Variants in ADAMTS3 observed in about 807,000 individuals in gnomAD.
The protein encoded by ADAMTS3 is A disintegrin and metalloproteinase with thrombospondin motifs 3.
Under a neutral mutation model 129.0 loss-of-function variants are expected in ADAMTS3, and 73 were observed. That is an observed-to-expected ratio of 0.57 (90% CI 0.47 to 0.69). The LOEUF is 0.69. ADAMTS3 is among the 30% of genes least tolerant of loss of function. The pLI is 0.00. For missense variants in ADAMTS3, 1,457 were observed against 1,514.5 expected, an observed-to-expected ratio of 0.96 and a Z score of 0.63; for synonymous variants, 477 against 510.8, an observed-to-expected ratio of 0.93 and a Z score of 0.89.
At chr4:72,484,981 CT>C (rs1719541035) in intron 3 of ADAMTS3, among the ~76,000 whole-genome samples, 1 of 152,086 alleles carries the variant, frequency 6.6e-6, no homozygotes, top group Non-Finnish European at 1.5e-5. Context: ...GTGCTCAAAA[CT>C]TCTTGAAAAT....
intron 4 of ADAMTS3, among the ~76,000 whole-genome samples, chr4:72,405,556 A>C (rs1722030139): frequency 6.6e-6 from 1 of 152,166 alleles, no homozygotes; most frequent in African/African-American, 2.4e-5. Context: ...ACTATATCAC[A>C]AACTTTTTAA....
At chr4:72,463,308 T>C (rs1028264115) in intron 3 of ADAMTS3, among the ~76,000 whole-genome samples, 2 of 152,022 alleles carry the variant, frequency 1.3e-5, no homozygotes, top group Non-Finnish European at 2.9e-5. Context: ...TCTCAGAATA[T>C]ATCCTCCACA....
intron 3 of ADAMTS3, among the ~76,000 whole-genome samples, chr4:72,515,112 T>G (rs578253191): frequency 6.6e-6 from 1 of 152,294 alleles, no homozygotes; most frequent in Admixed American, 6.5e-5. Context: ...TGCGATAGTT[T>G]GCTGAGAATG....
intron 3 of ADAMTS3, among the ~76,000 whole-genome samples, chr4:72,443,522 C>G (rs1718172949): frequency 6.6e-6 from 1 of 151,734 alleles, no homozygotes; most frequent in East Asian, 2.0e-4. Context: ...TGGCTAGATT[C>G]TCAAAAATGT....
chr4:72,528,651 G>C (rs756999503), intron 3 of ADAMTS3, among the ~76,000 whole-genome samples: 13 of 151,898 alleles, frequency 8.6e-5, no homozygotes, highest in African/African-American at 1.5e-4. Flanking sequence ...CAGGAGGATG[G>C]AATTTATTTA....
intron 4 of ADAMTS3, 152 bp downstream of exon 4, chr4:72,414,663 C>T: frequency 1.9e-6 from 1 of 536,754 alleles, no homozygotes; most frequent in Non-Finnish European, 2.9e-6. Context: ...AAAAAGCAAG[C>T]CACATTTCAT....
At chr4:72,297,117 G>T (rs1254370122) in intron 18 of ADAMTS3, among the ~76,000 whole-genome samples, 1 of 152,008 alleles carries the variant, frequency 6.6e-6, no homozygotes, top group African/African-American at 2.4e-5. Context: ...ATTCATTCAT[G>T]CATGCATTCA....
At chr4:72,332,703 CT>C (rs140658234) in intron 5 of ADAMTS3, among the ~76,000 whole-genome samples, 4,008 of 152,178 alleles carry the variant, frequency 0.026, 185 homozygotes, top group African/African-American at 0.092. Flanking sequence ...CAGAGTGTTG[CT>C]GATGGAAAAT....
At chr4:72,434,012 T>A (rs1722760761) in intron 3 of ADAMTS3, among the ~76,000 whole-genome samples, 1 of 151,838 alleles carries the variant, frequency 6.6e-6, no homozygotes, top group African/African-American at 2.4e-5. Context: ...AGCTGACCAA[T>A]AGCTGGTCAG....
intron 3 of ADAMTS3, among the ~76,000 whole-genome samples, chr4:72,425,290 CA>C (rs1381910764): frequency 2.0e-5 from 3 of 151,982 alleles, no homozygotes; most frequent in African/African-American, 7.2e-5. Context: ...CCAATGGTCA[CA>C]AAAATATAAA....
intron 21 of ADAMTS3, 44 bp downstream of exon 21, chr4:72,288,707 T>G (rs1352833829): frequency 7.8e-7 from 1 of 1,278,886 alleles, no homozygotes; most frequent in Non-Finnish European, 1.1e-6. Flanking sequence ...CTTTTTGAGG[T>G]TTAAAAACAT....
At chr4:72,519,094 T>C (rs1019748838) in intron 3 of ADAMTS3, among the ~76,000 whole-genome samples, 3 of 151,484 alleles carry the variant, frequency 2.0e-5, no homozygotes, top group African/African-American at 7.3e-5. Flanking sequence ...CCTTCACTTA[T>C]GAAGCTTAGT....
At chr4:72,550,033 A>G (rs551403743) in intron 2 of ADAMTS3, among the ~76,000 whole-genome samples, 2 of 15,634 alleles carry the variant, frequency 1.3e-4, no homozygotes, top group East Asian at 4.7e-3. Flanking sequence ...AAGAAGAAGA[A>G]GAAGAAGAAG....
intron 3 of ADAMTS3, among the ~76,000 whole-genome samples, chr4:72,531,190 A>C (rs1318370219): frequency 6.6e-6 from 1 of 152,122 alleles, no homozygotes; most frequent in Non-Finnish European, 1.5e-5. Context: ...TTTCATAGAA[A>C]AACCTAAAAA....
chr4:72,394,810 T>C (rs1721684750), intron 4 of ADAMTS3, among the ~76,000 whole-genome samples: 1 of 152,214 alleles, frequency 6.6e-6, no homozygotes, highest in Non-Finnish European at 1.5e-5. Context: ...AAATTAGATA[T>C]ATTATTCAAT....
Position 72,548,813 on chromosome 4 carries a change from G to A in ADAMTS3, c.169C>T (p.Leu57Phe). The A allele has an allele frequency of 6.2e-7, 1 of 1,613,932 alleles. No individual in the cohort carries two copies. Among genetic ancestry groups the A allele is most frequent in the Non-Finnish European group, 8.5e-7 (1 of 1,179,870 alleles). ...TGACTCGCAGAAAGAGTATGGGAGA[G>A]ATAGCGTCCTTCTAGATTTGTGCTG... ...PVSTNLEGRY[L>F]SHTLSASHKK... The change falls in exon 3 of 22, where the codon CTC (leucine) becomes TTC (phenylalanine). Residue 57 changes from leucine to phenylalanine, a missense_variant. Leu to Phe is a conservative substitution (Grantham distance 22). Transcript: ENST00000286657.
At chr4:72,541,453 A>C (rs1721321596) in intron 3 of ADAMTS3, among the ~76,000 whole-genome samples, 1 of 152,226 alleles carries the variant, frequency 6.6e-6, no homozygotes, top group Admixed American at 6.5e-5. Context: ...TGCTGAAATA[A>C]GTTAAGACTT....
chr4:72,543,532 C>T (rs987256246), intron 3 of ADAMTS3, among the ~76,000 whole-genome samples: 1 of 152,036 alleles, frequency 6.6e-6, no homozygotes, highest in Non-Finnish European at 1.5e-5. Context: ...ATTATACAGC[C>T]TTACAAAGTA....
chr4:72,518,095 C>G (rs1172216140), intron 3 of ADAMTS3, among the ~76,000 whole-genome samples: 2 of 152,074 alleles, frequency 1.3e-5, no homozygotes, highest in Non-Finnish European at 2.9e-5. Context: ...TCATTATATA[C>G]CCAGTAGTCA....
Sources: allele counts gnomAD v4.1 joint callset (sites outside exome capture counted in the v4.1 genomes callset), GRCh38; gene constraint gnomAD v4.1.1; transcripts MANE v1.5; gene names NCBI Gene and HGNC (gene_info 2026-07-23, HGNC 2026-07-21).